Variants in TAS2R1 observed in about 807,000 individuals in gnomAD.
TAS2R1 encodes the protein taste receptor type 2 member 1.
For synonymous variants in TAS2R1, 141 were observed against 134.2 expected, an observed-to-expected ratio of 1.05 and a Z score of -0.35; for missense variants, 370 against 353.4, an observed-to-expected ratio of 1.05 and a Z score of -0.38.
chr5:9,816,123 T>C, the TAS2R1 span, among the ~76,000 whole-genome samples: 1 of 152,232 alleles, frequency 6.6e-6, no homozygotes, highest in East Asian at 1.9e-4. Context: ...AATCATAAAA[T>C]AAAATCATGA....
the TAS2R1 span, among the ~76,000 whole-genome samples, chr5:9,719,824 A>G: frequency 1.4e-5 from 2 of 148,108 alleles, no homozygotes; most frequent in African/African-American, 4.9e-5. Flanking sequence ...AGGCTGAGGC[A>G]GGAGAATGGC....
chr5:9,855,624 G>C, the TAS2R1 span, among the ~76,000 whole-genome samples: 3 of 152,358 alleles, frequency 2.0e-5, no homozygotes, highest in Admixed American at 2.0e-4. Context: ...GCAGAGCTCA[G>C]TCTGCCAGAC....
chr5:9,738,296 T>G, the TAS2R1 span, among the ~76,000 whole-genome samples: 1 of 152,114 alleles, frequency 6.6e-6, no homozygotes, highest in Non-Finnish European at 1.5e-5. Flanking sequence ...CAGATGAGAA[T>G]GAAAATGACA....
Position 9,693,419 on chromosome 5 carries a change from G to C in TAS2R1, c.-242+18753C>G, listed in dbSNP as rs190534361. On this transcript the variant is annotated intron_variant, in intron 1 of 2. Transcript: ENST00000506620. ...CATGCCTGTAATCCCAGCTACTCGG[G>C]AAGCTGAGGGAGGAGAATCGCTTGA... Among the ~76,000 whole-genome samples the C allele has an allele frequency of 5.0e-4, 75 of 150,214 alleles. 1 individual carries two copies. In the East Asian group the frequency reaches 0.014, roughly 29 times the overall value.
intron 1 of TAS2R1, among the ~76,000 whole-genome samples, chr5:9,688,839 G>A (rs1020411434): frequency 6.6e-6 from 1 of 152,068 alleles, no homozygotes; most frequent in African/African-American, 2.4e-5. Context: ...GCGACTGTCT[G>A]CAGCTAGGCA....
chr5:9,725,783 C>G, the TAS2R1 span, among the ~76,000 whole-genome samples: 1 of 152,234 alleles, frequency 6.6e-6, no homozygotes, highest in African/African-American at 2.4e-5. Context: ...GTGAAGCCAG[C>G]TGGGCTCCTG....
chr5:9,878,780 C>G, the TAS2R1 span, among the ~76,000 whole-genome samples: 1 of 152,272 alleles, frequency 6.6e-6, no homozygotes, highest in Admixed American at 6.5e-5. Context: ...TAAAATTGTA[C>G]AAAACTGTGT....
the TAS2R1 span, among the ~76,000 whole-genome samples, chr5:9,881,925 T>C: frequency 1.3e-5 from 2 of 152,170 alleles, no homozygotes; most frequent in Non-Finnish European, 2.9e-5. Flanking sequence ...ATCTGGGCAA[T>C]ACCATTCAGG....
At chr5:9,693,203 C>T (rs1199353884) in intron 1 of TAS2R1, among the ~76,000 whole-genome samples, 4 of 152,084 alleles carry the variant, frequency 2.6e-5, no homozygotes, top group East Asian at 1.9e-4. Flanking sequence ...TTGTACAATG[C>T]TTATTTTAAA....
At chr5:9,775,160 C>T in the TAS2R1 span, among the ~76,000 whole-genome samples, 1 of 152,148 alleles carries the variant, frequency 6.6e-6, no homozygotes, top group African/African-American at 2.4e-5. Context: ...AAGTCTTTCC[C>T]ACTCCTGCCC....
intron 1 of TAS2R1, among the ~76,000 whole-genome samples, chr5:9,695,746 G>A (rs534678714): frequency 6.6e-6 from 1 of 152,172 alleles, no homozygotes; most frequent in East Asian, 1.9e-4. Flanking sequence ...CCTCAGCTAG[G>A]GTACATGCCT....
the TAS2R1 span, among the ~76,000 whole-genome samples, chr5:9,857,455 G>A: frequency 2.8e-4 from 43 of 152,302 alleles, no homozygotes; most frequent in Admixed American, 1.2e-3. Context: ...ATCAGGAAGA[G>A]TAGCTAATGG....
At chr5:9,660,942 C>T (rs1347840878) in intron 1 of TAS2R1, among the ~76,000 whole-genome samples, 1 of 152,176 alleles carries the variant, frequency 6.6e-6, no homozygotes, top group Non-Finnish European at 1.5e-5. Flanking sequence ...GACCTCAGTC[C>T]TACACCCGTA....
At chr5:9,692,506 A>T (rs568743652) in intron 1 of TAS2R1, among the ~76,000 whole-genome samples, 14 of 152,332 alleles carry the variant, frequency 9.2e-5, no homozygotes, top group African/African-American at 3.1e-4. Context: ...ACCTGGTCAG[A>T]AAATTTATTT....
At chr5:9,876,433 T>C in the TAS2R1 span, among the ~76,000 whole-genome samples, 1 of 152,130 alleles carries the variant, frequency 6.6e-6, no homozygotes, top group Non-Finnish European at 1.5e-5. Context: ...TAGTTATGAC[T>C]GTTGAAGGCC....
chr5:9,671,868 G>A (rs964915644), intron 1 of TAS2R1, among the ~76,000 whole-genome samples: 28 of 152,008 alleles, frequency 1.8e-4, no homozygotes, highest in African/African-American at 6.3e-4. Flanking sequence ...TAATAAAGCT[G>A]GAGGCATCAC....
At chr5:9,892,936 T>G in the TAS2R1 span, among the ~76,000 whole-genome samples, 1 of 152,042 alleles carries the variant, frequency 6.6e-6, no homozygotes, top group Non-Finnish European at 1.5e-5. Flanking sequence ...CTCAGGAGAG[T>G]GCAGGGCAGA....
At chr5:9,778,940 G>A in the TAS2R1 span, among the ~76,000 whole-genome samples, 2 of 152,208 alleles carry the variant, frequency 1.3e-5, no homozygotes, top group Non-Finnish European at 2.9e-5. Context: ...TTCACAGCTT[G>A]GCTGTTTGGC....
At chr5:9,851,478 G>A in the TAS2R1 span, among the ~76,000 whole-genome samples, 1 of 149,982 alleles carries the variant, frequency 6.7e-6, no homozygotes, top group Non-Finnish European at 1.5e-5. Context: ...TGATCCACTT[G>A]ATCTACAGAT....
Sources: gnomAD v4.1 joint callset for allele counts (sites outside exome capture counted in the v4.1 genomes callset) on GRCh38, gnomAD v4.1.1 for gene constraint, MANE v1.5 for transcripts, NCBI Gene and HGNC (gene_info 2026-07-23, HGNC 2026-07-21) for gene names.